Variants in CTNNA3 observed in about 807,000 individuals in gnomAD.
CTNNA3 encodes the protein catenin alpha 3, also known as catenin alpha-3.
In CTNNA3, 76 loss-of-function variants were observed where a neutral mutation model predicts 95.7. That is an observed-to-expected ratio of 0.79 (90% confidence interval 0.66 to 0.96). The LOEUF is 0.96. CTNNA3 is among the 40% of genes least tolerant of loss of function. The pLI is 0.00. For synonymous variants in CTNNA3, 431 were observed against 374.4 expected (o/e 1.15, Z -1.74); for missense variants, 1,191 against 1,089.8 (o/e 1.09, Z -1.31).
intron 15 of CTNNA3, among the ~76,000 whole-genome samples, chr10:66,019,481 C>T (rs1028643964): frequency 6.6e-6 from 1 of 152,128 alleles, no homozygotes; most frequent in Non-Finnish European, 1.5e-5. Context: ...CCTACTGTAG[C>T]ATTCCCAAGT....
chr10:66,011,112 G>A (rs1315645762), intron 15 of CTNNA3, among the ~76,000 whole-genome samples: 1 of 152,070 alleles, frequency 6.6e-6, no homozygotes, highest in Non-Finnish European at 1.5e-5. Flanking sequence ...CTAGTCTATT[G>A]CTTTGAAATG....
intron 5 of CTNNA3, among the ~76,000 whole-genome samples, chr10:67,306,787 T>A (rs184496958): frequency 0.039 from 5,971 of 151,504 alleles, 146 homozygotes; most frequent in Non-Finnish European, 0.06. Context: ...TGGATTTTTT[T>A]AAAAAAAAAT....
intron 7 of CTNNA3, among the ~76,000 whole-genome samples, chr10:67,137,548 T>A (rs957371428): frequency 6.6e-6 from 1 of 152,186 alleles, no homozygotes; most frequent in South Asian, 2.1e-4. Context: ...TTTAGTTTTG[T>A]AACAAATCAT....
At chr10:66,690,771 C>T (rs1367766665) in intron 9 of CTNNA3, among the ~76,000 whole-genome samples, 10 of 151,786 alleles carry the variant, frequency 6.6e-5, no homozygotes, top group African/African-American at 1.7e-4. Context: ...TGAGTAGTGC[C>T]GCAATAAACA....
intron 5 of CTNNA3, among the ~76,000 whole-genome samples, chr10:67,349,833 C>A (rs549007195): frequency 1.3e-5 from 2 of 152,170 alleles, no homozygotes; most frequent in South Asian, 2.1e-4. Context: ...AGCTCCCAGG[C>A]AAAGCAACTC....
chr10:67,737,749 GA>G (rs1841310757), intron 1 of CTNNA3, among the ~76,000 whole-genome samples: 1 of 152,164 alleles, frequency 6.6e-6, no homozygotes, highest in African/African-American at 2.4e-5. Flanking sequence ...AAAAAGGCAG[GA>G]AACAACAGGT....
chr10:66,823,569 C>T (rs746092131), intron 7 of CTNNA3, among the ~76,000 whole-genome samples: 2 of 152,134 alleles, frequency 1.3e-5, no homozygotes, highest in East Asian at 1.9e-4. Flanking sequence ...TGAGGAGAGT[C>T]GGAAACATCA....
rs1331093863 is a variant in CTNNA3 at position 67,385,173 on chromosome 10, CA to C, written c.579+136668del. 5.9e-5 allele frequency among the ~76,000 whole-genome samples: 9 copies of C among 152,200 alleles called. No homozygotes were observed. In the East Asian group the frequency reaches 1.7e-3, roughly 29 times the overall value. ...TTGCTTCTTTCAATGTGAATGCTAC[CA>C]AAAAAGGGAAAGAGATGGCTTGCTT... On this transcript the variant is annotated intron_variant, in intron 5 of 17. Transcript: ENST00000433211.
chr10:67,726,467 T>C (rs1302411218), intron 1 of CTNNA3, among the ~76,000 whole-genome samples: 4 of 67,214 alleles, frequency 6.0e-5, no homozygotes, highest in Admixed American at 2.8e-4. Flanking sequence ...TGATATATGA[T>C]ATAATATTAT....
At chr10:66,084,138 AAAAAAAAAAG>A (rs199624607) in intron 14 of CTNNA3, among the ~76,000 whole-genome samples, 2,072 of 135,678 alleles carry the variant, frequency 0.015, 28 homozygotes, top group Middle Eastern at 0.042. Flanking sequence ...TTCATCTCAA[AAAAAAAAAAG>A]AAAAAAAAAG....
chr10:66,053,513 C>A (rs1470808519), intron 15 of CTNNA3, among the ~76,000 whole-genome samples: 1 of 151,996 alleles, frequency 6.6e-6, no homozygotes, highest in Non-Finnish European at 1.5e-5. Flanking sequence ...TTATACTCTT[C>A]ATTTTAAAAT....
chr10:66,852,813 T>TA (rs201228185), intron 7 of CTNNA3, among the ~76,000 whole-genome samples: 14 of 152,070 alleles, frequency 9.2e-5, no homozygotes, highest in African/African-American at 2.4e-4. Flanking sequence ...TTTTATGAAT[T>TA]AAAAAAAACT....
intron 1 of CTNNA3, among the ~76,000 whole-genome samples, chr10:67,752,458 A>G (rs1841412580): frequency 6.6e-6 from 1 of 152,192 alleles, no homozygotes; most frequent in South Asian, 2.1e-4. Flanking sequence ...CCTATTCAAC[A>G]TAGTATGGAA....
At chr10:66,846,630 C>T (rs771676083) in intron 7 of CTNNA3, among the ~76,000 whole-genome samples, 2 of 151,342 alleles carry the variant, frequency 1.3e-5, no homozygotes, top group African/African-American at 2.4e-5. Flanking sequence ...GTCAGTTATA[C>T]CTCAGTATAG....
intron 6 of CTNNA3, among the ~76,000 whole-genome samples, chr10:67,196,516 T>A (rs1947843): frequency 0.36 from 55,217 of 151,522 alleles, 14,387 homozygotes; most frequent in African/African-American, 0.75. Context: ...ATGAACATAT[T>A]ACATTTAAAT....
chr10:67,260,604 G>A (rs933408896), intron 5 of CTNNA3, among the ~76,000 whole-genome samples: 1 of 152,092 alleles, frequency 6.6e-6, no homozygotes, highest in African/African-American at 2.4e-5. Flanking sequence ...TGCCGTCCTT[G>A]AAATGCAAGC....
chr10:66,557,361 C>T (rs1246331804), intron 10 of CTNNA3, among the ~76,000 whole-genome samples: 2 of 152,086 alleles, frequency 1.3e-5, no homozygotes, highest in Non-Finnish European at 2.9e-5. Context: ...TTATCAATTT[C>T]CCATGTATCA....
intron 7 of CTNNA3, among the ~76,000 whole-genome samples, chr10:67,179,646 T>C (rs1422428766): frequency 6.6e-6 from 1 of 152,058 alleles, no homozygotes; most frequent in Admixed American, 6.6e-5. Context: ...CTGGGCATTA[T>C]GGCAAAACCC....
In CTNNA3 at chr10:66,717,763, G is replaced by GA. The variant is rs375338803; in HGVS notation, c.1281+48500dup. On this transcript the variant is annotated intron_variant, in intron 9 of 17. Transcript: ENST00000433211. ...AGCGACTTTGATAGCTCTGGCTAAG[G>GA]AACTTGATACCTGCAAGCAATTAAC... Among the ~76,000 whole-genome samples the GA allele has an allele frequency of 4.7e-3, 720 of 152,226 alleles. 5 individuals are homozygous for GA. The highest frequency in any genetic ancestry group is 0.016 in the African/African-American group (679 of 41,542).
Sources: gnomAD v4.1 joint callset for allele counts (sites outside exome capture counted in the v4.1 genomes callset) on GRCh38, gnomAD v4.1.1 for gene constraint, MANE v1.5 for transcripts, NCBI Gene and HGNC (gene_info 2026-07-23, HGNC 2026-07-21) for gene names.